Variants in RNF220 observed in about 807,000 individuals in gnomAD.
RNF220 encodes the protein ring finger protein 220.
A neutral mutation model predicts 67.1 loss-of-function variants in RNF220; 7 were observed. The observed-to-expected ratio is 0.10, with a 90% CI of 0.06 to 0.20. The LOEUF is 0.20. Ranked by LOEUF, RNF220 falls within the 10% of genes least tolerant of loss-of-function variation. The pLI, the probability that RNF220 is intolerant of heterozygous loss-of-function variation, is 1.00. For synonymous variants in RNF220, 270 were observed against 283.2 expected (o/e 0.95, Z 0.47); for missense variants, 565 against 740.3 (o/e 0.76, Z 2.75).
At chr1:44,502,006 TG>T (rs1657939002) in intron 2 of RNF220, among the ~76,000 whole-genome samples, 2 of 145,266 alleles carry the variant, frequency 1.4e-5, no homozygotes, top group African/African-American at 5.1e-5. Flanking sequence ...AATTCCAAGT[TG>T]GGGAGTGGGC....
chr1:44,493,509 C>T (rs1000512312), intron 2 of RNF220, among the ~76,000 whole-genome samples: 4 of 151,886 alleles, frequency 2.6e-5, no homozygotes, highest in East Asian at 1.9e-4. Flanking sequence ...AGCAAGACTC[C>T]GTCTCAAAAA....
chr1:44,429,244 A>G (rs6678969), intron 2 of RNF220, among the ~76,000 whole-genome samples: 152,254 of 152,280 alleles, frequency 1, 76,114 homozygotes, highest in Non-Finnish European at 1. Flanking sequence ...CTATCCAGGT[A>G]TGGAATGTAG....
intron 6 of RNF220, 31 bp downstream of exon 6, chr1:44,632,416 C>CACCCCCGGCCTCCTCCCTCCCT: frequency 1.3e-6 from 2 of 1,583,062 alleles, no homozygotes; most frequent in Non-Finnish European, 1.7e-6. Context: ...CCCTCCGCCC[C>CACCCCCGGCCTCCTCCCTCCCT]ACCCCCGGCC....
intron 2 of RNF220, among the ~76,000 whole-genome samples, chr1:44,473,264 A>G (rs1490183343): frequency 2.6e-5 from 4 of 152,148 alleles, no homozygotes; most frequent in African/African-American, 9.7e-5. Flanking sequence ...ATAAAGTTTT[A>G]CAGTGGAACG....
At chr1:44,567,923 G>A (rs1056161225) in intron 2 of RNF220, among the ~76,000 whole-genome samples, 5 of 152,048 alleles carry the variant, frequency 3.3e-5, no homozygotes, top group African/African-American at 1.2e-4. Context: ...CCGGACTCCT[G>A]GAGGTTCCCA....
In RNF220 at chr1:44,412,460, G is replaced by T; in HGVS notation, c.363G>T (p.Arg121=). 6.2e-7 allele frequency: 1 copy of T among 1,611,412 alleles called. No homozygotes were observed. The highest frequency in any genetic ancestry group is 8.5e-7 in the Non-Finnish European group (1 of 1,177,844). ...MLNHSGVGAF[R]PFASTEDRES... is the part of the protein sequence containing the mutation. ...ATCATAGTGGTGTGGGGGCTTTCCGGCCCTTTGCCTCCACCGAGGACCGGG... is the reference window on the plus strand; with the variant it reads ...ATCATAGTGGTGTGGGGGCTTTCCGTCCCTTTGCCTCCACCGAGGACCGGG... The change falls in exon 2 of 15, where the codon CGG becomes CGT. Residue 121 remains arginine (R), a synonymous_variant. Coordinates refer to ENST00000361799, the MANE Select transcript of RNF220 (RefSeq NM_018150.4). The surrounding 1 kb of genome is among the most constrained non-coding windows in gnomAD (Gnocchi z 5.3).
At chr1:44,646,465 G>A (rs932484082) in intron 12 of RNF220, among the ~76,000 whole-genome samples, 3 of 152,276 alleles carry the variant, frequency 2.0e-5, no homozygotes, top group Non-Finnish European at 4.4e-5. Flanking sequence ...GTCAGCGCCG[G>A]AGCGGGCCGT....
chr1:44,485,561 C>T (rs1656213219), intron 2 of RNF220, among the ~76,000 whole-genome samples: 1 of 152,144 alleles, frequency 6.6e-6, no homozygotes, highest in Non-Finnish European at 1.5e-5. Flanking sequence ...GCCGTTTTTC[C>T]CCAGGAAAGG....
intron 2 of RNF220, among the ~76,000 whole-genome samples, chr1:44,584,169 C>T (rs532455901): frequency 6.6e-6 from 1 of 152,234 alleles, no homozygotes; most frequent in Non-Finnish European, 1.5e-5. Context: ...CTCACCCTGA[C>T]CTAGCCAGAG....
At chr1:44,410,267 A>G (rs1647832922) in intron 1 of RNF220, among the ~76,000 whole-genome samples, 1 of 152,166 alleles carries the variant, frequency 6.6e-6, no homozygotes, top group Non-Finnish European at 1.5e-5. Flanking sequence ...GCTGCTTAGA[A>G]CCCTTGGAAC....
intron 2 of RNF220, among the ~76,000 whole-genome samples, chr1:44,522,250 G>C (rs1293026826): frequency 6.6e-6 from 1 of 152,166 alleles, no homozygotes; most frequent in Non-Finnish European, 1.5e-5. Context: ...TTCCAGCTCT[G>C]TCGCGTGTTC....
chr1:44,434,936 A>T (rs1650806520), intron 2 of RNF220, among the ~76,000 whole-genome samples: 1 of 151,288 alleles, frequency 6.6e-6, no homozygotes, highest in Non-Finnish European at 1.5e-5. Flanking sequence ...CTGAGTGGGG[A>T]GGATCGCTTG....
rs772754231 is a variant in RNF220 at position 44,649,651 on chromosome 1, C to G, written c.1446-10C>G. 1 of 1,613,716 alleles carries G rather than the reference C, an allele frequency of 6.2e-7. No individual in the cohort carries two copies. The highest frequency in any genetic ancestry group is 2.2e-5 in the East Asian group (1 of 44,890). ...CAGCCTGCTACCCAACCATGCCTTC[C>G]TTTTTACAGAATCACCGAAGATTCA... On this transcript the variant is annotated splice_polypyrimidine_tract_variant and intron_variant, in intron 12 of 14. Coordinates refer to ENST00000361799, the MANE Select transcript of RNF220 (RefSeq NM_018150.4). The surrounding 1 kb of genome is among the most constrained non-coding windows in gnomAD (Gnocchi z 5.9).
At chr1:44,533,928 G>A (rs1373668656) in intron 2 of RNF220, among the ~76,000 whole-genome samples, 2 of 152,230 alleles carry the variant, frequency 1.3e-5, no homozygotes, top group Non-Finnish European at 1.5e-5. Context: ...AGATGAGCCC[G>A]AAGAAGGAGG....
intron 2 of RNF220, among the ~76,000 whole-genome samples, chr1:44,597,647 A>G (rs986578516): frequency 6.6e-6 from 1 of 150,996 alleles, no homozygotes; most frequent in Non-Finnish European, 1.5e-5. Context: ...TTGCACACAC[A>G]CCGTTTCTCA....
intron 2 of RNF220, among the ~76,000 whole-genome samples, chr1:44,478,454 G>C (rs1655486829): frequency 6.6e-6 from 1 of 152,010 alleles, no homozygotes; most frequent in African/African-American, 2.4e-5. Context: ...AGGCGTGGTG[G>C]CTTCTGCTTG....
At chr1:44,648,283 G>A (rs1356620709) in intron 12 of RNF220, 1 of 152,228 alleles carries the variant, frequency 6.6e-6, no homozygotes, top group Non-Finnish European at 1.5e-5. Context: ...ATATAAAATG[G>A]AGATATTAGA....
At chr1:44,586,386 G>C (rs530634830) in intron 2 of RNF220, among the ~76,000 whole-genome samples, 1 of 152,284 alleles carries the variant, frequency 6.6e-6, no homozygotes, top group East Asian at 1.9e-4. Flanking sequence ...AAGGTCCCCG[G>C]ATCAGGTCAG....
chr1:44,595,666 T>C (rs1051645742), intron 2 of RNF220, among the ~76,000 whole-genome samples: 1 of 152,234 alleles, frequency 6.6e-6, no homozygotes, highest in African/African-American at 2.4e-5. Flanking sequence ...TCAGCCAGAA[T>C]GGACAGGGTA....
Sources: allele counts gnomAD v4.1 joint callset (sites outside exome capture counted in the v4.1 genomes callset), GRCh38; gene constraint gnomAD v4.1.1; non-coding constraint Gnocchi (gnomAD v3.1); transcripts MANE v1.5; gene names NCBI Gene and HGNC (gene_info 2026-07-23, HGNC 2026-07-21).